Variants in INPP4B observed in about 807,000 individuals in gnomAD.
INPP4B encodes inositol polyphosphate-4-phosphatase type II B.
INPP4B carries 55 observed loss-of-function variants against 122.5 expected under a neutral mutation model. The ratio of observed to expected loss-of-function variants is 0.45; its 90% confidence interval spans 0.36 to 0.56. The LOEUF is 0.56. Ranked by LOEUF, INPP4B falls within the 20% of genes least tolerant of loss-of-function variation. INPP4B has a pLI of 0.00. For missense variants in INPP4B, 1,000 were observed against 1,097.7 expected, an observed-to-expected ratio of 0.91 and a Z score of 1.26; for synonymous variants, 403 against 388.7, an observed-to-expected ratio of 1.04 and a Z score of -0.43.
rs1554046712 is a variant in INPP4B at position 142,387,491 on chromosome 4, A to AG, written c.372+15446_372+15447insC. 5.5e-3 allele frequency among the ~76,000 whole-genome samples: 797 copies of AG among 144,808 alleles called. 6 individuals carry two copies. Among genetic ancestry groups the AG allele is most frequent in the African/African-American group, 0.021 (756 of 36,372 alleles). 95.0% of individuals were successfully genotyped at this position (144,808 alleles called of 152,430 possible). On this transcript the variant is annotated intron_variant, in intron 7 of 25. Transcript: ENST00000262992. ...ACTGAAGTGCATTTAAAAAAAAAAA[A>AG]AAAGAAAGAAAAAAAGATTTTCTTT...
chr4:142,829,660 G>A (rs1193814452), intron 1 of INPP4B, among the ~76,000 whole-genome samples: 1 of 152,148 alleles, frequency 6.6e-6, no homozygotes, highest in South Asian at 2.1e-4. Flanking sequence ...CCAGAAAACT[G>A]TGGAGCAATA....
chr4:142,438,358 A>G (rs1282836132), intron 3 of INPP4B, among the ~76,000 whole-genome samples: 1 of 152,202 alleles, frequency 6.6e-6, no homozygotes, highest in Non-Finnish European at 1.5e-5. Context: ...ACCAACAAAT[A>G]TAACAATGGA....
chr4:142,655,898 AC>A (rs777501153), intron 2 of INPP4B, among the ~76,000 whole-genome samples: 1 of 152,214 alleles, frequency 6.6e-6, no homozygotes, highest in African/African-American at 2.4e-5. Context: ...GATGACTAAT[AC>A]CATTCCTTAA....
Position 142,333,016 on chromosome 4 carries a change from A to C in INPP4B, c.373-18254T>G, listed in dbSNP as rs868319582. Among the ~76,000 whole-genome samples the C allele has an allele frequency of 1.8e-3, 271 of 149,872 alleles. 2 individuals are homozygous for C. Among genetic ancestry groups the C allele is most frequent in the African/African-American group, 5.8e-3 (232 of 40,340 alleles). On this transcript the variant is annotated intron_variant, in intron 7 of 25. Coordinates refer to ENST00000262992, the MANE Select transcript of INPP4B (RefSeq NM_001101669.3). Reference sequence around the variant, plus strand: ...ACAGAGCAAGACTCCGTCTCAAAAAAAAAAAAAAAAACAAAAAAAAAACCT... The same window carrying C: ...ACAGAGCAAGACTCCGTCTCAAAAACAAAAAAAAAAACAAAAAAAAAACCT...
intron 2 of INPP4B, among the ~76,000 whole-genome samples, chr4:142,540,979 G>A (rs993605567): frequency 3.9e-5 from 6 of 152,150 alleles, no homozygotes; most frequent in African/African-American, 1.4e-4. Flanking sequence ...TTACCACTAT[G>A]TTAGACAGAA....
chr4:142,437,228 G>A (rs1036143835), intron 3 of INPP4B, among the ~76,000 whole-genome samples: 1 of 151,924 alleles, frequency 6.6e-6, no homozygotes, highest in East Asian at 1.9e-4. Context: ...GAATGAAAAG[G>A]AACCAACACA....
chr4:142,031,066 TA>T (rs1047228507), intron 25 of INPP4B, among the ~76,000 whole-genome samples: 3 of 151,880 alleles, frequency 2.0e-5, no homozygotes, highest in Non-Finnish European at 4.4e-5. Context: ...TCTGTGTAAA[TA>T]AAAAAAAGTA....
intron 1 of INPP4B, among the ~76,000 whole-genome samples, chr4:142,790,307 T>C (rs530200653): frequency 2.5e-4 from 38 of 151,932 alleles, no homozygotes; most frequent in African/African-American, 8.7e-4. Flanking sequence ...ATCTTCACAA[T>C]CTATACATCT....
chr4:142,532,213 G>A (rs1323060808), intron 2 of INPP4B, among the ~76,000 whole-genome samples: 1 of 152,062 alleles, frequency 6.6e-6, no homozygotes, highest in African/African-American at 2.4e-5. Flanking sequence ...ACCACTTGAG[G>A]GCCTGCATAT....
intron 2 of INPP4B, among the ~76,000 whole-genome samples, chr4:142,680,200 T>G (rs997895036): frequency 6.6e-6 from 1 of 151,876 alleles, no homozygotes; most frequent in Non-Finnish European, 1.5e-5. Context: ...CATAAAATAT[T>G]AAAACTCCAC....
At chr4:142,350,746 C>T (rs1336708210) in intron 7 of INPP4B, among the ~76,000 whole-genome samples, 2 of 151,982 alleles carry the variant, frequency 1.3e-5, no homozygotes, top group African/African-American at 4.8e-5. Flanking sequence ...TACCTTTACA[C>T]TGCAAAATTA....
intron 1 of INPP4B, among the ~76,000 whole-genome samples, chr4:142,734,806 C>G (rs1325304651): frequency 6.6e-6 from 1 of 152,072 alleles, no homozygotes; most frequent in East Asian, 1.9e-4. Flanking sequence ...CCAGCACGCC[C>G]AGCTAATTTT....
intron 25 of INPP4B, among the ~76,000 whole-genome samples, chr4:142,077,647 T>A (rs1771530910): frequency 1.3e-5 from 2 of 151,042 alleles, no homozygotes; most frequent in Non-Finnish European, 3.0e-5. Flanking sequence ...CCATGGAGAG[T>A]CCAAAACTGA....
At chr4:142,729,628 G>A (rs1482672391) in intron 1 of INPP4B, among the ~76,000 whole-genome samples, 7 of 152,088 alleles carry the variant, frequency 4.6e-5, no homozygotes, top group Non-Finnish European at 7.4e-5. Flanking sequence ...TTCTCTCCCC[G>A]TTTGAGCTTT....
chr4:142,452,304 C>T (rs1814460969), intron 3 of INPP4B, among the ~76,000 whole-genome samples: 1 of 152,070 alleles, frequency 6.6e-6, no homozygotes, highest in Admixed American at 6.6e-5. Context: ...GAAGAGTTTC[C>T]AACAGTGACC....
chr4:142,665,196 C>T lies in INPP4B; in HGVS notation c.-191+60643G>A, dbSNP rs140457460. 6.1e-4 allele frequency among the ~76,000 whole-genome samples: 93 copies of T among 152,234 alleles called. 2 individuals are homozygous for T. The East Asian group carries it at 0.017, about 28-fold the overall frequency. ...TGCCTTTTGTCTCACAAATTCACTT[C>T]TAGAAAATTATTCCGGCCAGGCACG... On this transcript the variant is annotated intron_variant, in intron 2 of 25. Coordinates refer to ENST00000262992, the MANE Select transcript of INPP4B (RefSeq NM_001101669.3).
Position 142,083,173 on chromosome 4 carries a change from T to C in INPP4B, c.2488-988A>G, listed in dbSNP as rs1227979344. On this transcript the variant is annotated intron_variant, in intron 24 of 25. Coordinates refer to ENST00000262992, the MANE Select transcript of INPP4B (RefSeq NM_001101669.3). ...AACTTCGCAGAACTCTAGAGGAAGG[T>C]ATAATTGTTTTCATTTTACGGATGA... 2.6e-5 allele frequency among the ~76,000 whole-genome samples: 4 copies of C among 151,120 alleles called. No homozygotes were observed. In the East Asian group the frequency reaches 7.8e-4, roughly 29 times the overall value.
chr4:142,330,556 C>T (rs900456219), intron 7 of INPP4B, among the ~76,000 whole-genome samples: 12 of 152,210 alleles, frequency 7.9e-5, no homozygotes, highest in East Asian at 7.7e-4. Context: ...TACACGCGCA[C>T]GCACACACAC....
At chr4:142,592,121 G>C (rs990209873) in intron 2 of INPP4B, among the ~76,000 whole-genome samples, 6 of 152,124 alleles carry the variant, frequency 3.9e-5, no homozygotes, top group African/African-American at 1.4e-4. Context: ...CATAATACCT[G>C]TCCAACTTTT....
Sources: gnomAD v4.1 joint callset for allele counts (sites outside exome capture counted in the v4.1 genomes callset) on GRCh38, gnomAD v4.1.1 for gene constraint, MANE v1.5 for transcripts, NCBI Gene and HGNC (gene_info 2026-07-23, HGNC 2026-07-21) for gene names.